HERC1: variants seen among roughly 807,000 people sequenced by gnomAD.
HERC1 encodes probable E3 ubiquitin-protein ligase HERC1.
Under a neutral mutation model 554.3 loss-of-function variants are expected in HERC1, and 160 were observed. The observed-to-expected ratio is 0.29, with a 90% CI of 0.25 to 0.33. HERC1 has a LOEUF of 0.33. Among genes scored for constraint, HERC1 ranks in the 10% least tolerant of loss-of-function variants. HERC1 has a pLI of 1.00. For synonymous variants in HERC1, 2,175 were observed against 2,131.7 expected (o/e 1.02, Z -0.56); for missense variants, 4,919 against 5,918.5 (o/e 0.83, Z 5.54).
At chr15:63,833,301 G>A (rs535832993) in intron 1 of HERC1, among the ~76,000 whole-genome samples, 1 of 152,240 alleles carries the variant, frequency 6.6e-6, no homozygotes, top group Non-Finnish European at 1.5e-5. Context: ...AAAGGCAGAG[G>A]AGAGGAGGAA....
chr15:63,793,943 A>C (rs2076732306), intron 1 of HERC1, among the ~76,000 whole-genome samples: 1 of 152,214 alleles, frequency 6.6e-6, no homozygotes, highest in South Asian at 2.1e-4. Context: ...CAGGTCATAA[A>C]GACCTTCTAA....
At chr15:63,743,507 C>A (rs1262166804) in intron 12 of HERC1, among the ~76,000 whole-genome samples, 1 of 152,070 alleles carries the variant, frequency 6.6e-6, no homozygotes, top group Non-Finnish European at 1.5e-5. Context: ...TTGTGATCCA[C>A]CCACCTTGGC....
At chr15:63,648,040 A>G (rs1180326816) in intron 55 of HERC1, 29 bp downstream of exon 55, 1 of 1,532,472 alleles carries the variant, frequency 6.5e-7, no homozygotes, top group East Asian at 2.5e-5. Flanking sequence ...TGTATCCCAT[A>G]AAATTACGTT....
intron 77 of HERC1, among the ~76,000 whole-genome samples, chr15:63,611,715 G>A (rs566496349): frequency 6.6e-6 from 1 of 152,356 alleles, no homozygotes; most frequent in African/African-American, 2.4e-5. Flanking sequence ...AAGGTTGTTG[G>A]TTGTAGTATG....
chr15:63,641,747 G>A, intron 59 of HERC1, 104 bp from the exon 60 acceptor site: 1 of 935,096 alleles, frequency 1.1e-6, no homozygotes, highest in South Asian at 2.3e-5. Flanking sequence ...GGACATCTTT[G>A]CTTTTTGGAT....
At chr15:63,645,142 T>C (rs1053219656) in intron 56 of HERC1, 45 bp from the exon 57 acceptor site, 4 of 1,340,580 alleles carry the variant, frequency 3.0e-6, no homozygotes, top group Admixed American at 3.4e-5. Flanking sequence ...TCAATATGCA[T>C]TAAGTAAAAA....
At chr15:63,739,195 C>CTTTTTT (rs1205943240) in intron 12 of HERC1, among the ~76,000 whole-genome samples, 6 of 102,242 alleles carry the variant, frequency 5.9e-5, no homozygotes, top group Non-Finnish European at 9.5e-5. Context: ...CACTAATATA[C>CTTTTTT]TTTTTTTTTT....
At chr15:63,711,758 C>G (rs2073307254) in intron 24 of HERC1, among the ~76,000 whole-genome samples, 1 of 152,192 alleles carries the variant, frequency 6.6e-6, no homozygotes. Context: ...GATCCCACCG[C>G]TCTTTAACAG....
intron 1 of HERC1, among the ~76,000 whole-genome samples, chr15:63,793,783 G>A (rs1238030522): frequency 6.6e-6 from 1 of 152,040 alleles, no homozygotes; most frequent in African/African-American, 2.4e-5. Flanking sequence ...TCAGCTATCT[G>A]GAAGTTCCCT....
chr15:63,723,166 A>G lies in HERC1; in HGVS notation c.3742+16T>C. On this transcript the variant is annotated intron_variant, in intron 19 of 77. Transcript: ENST00000443617. ...AGCTAACTACAAATTTACTCCCTTT[A>G]TCTTCTTTATCTTACCTTTACTAAC... The G allele has an allele frequency of 7.2e-7, 1 of 1,395,374 alleles. No individual in the cohort carries two copies. The highest frequency in any genetic ancestry group is 9.4e-7 in the Non-Finnish European group (1 of 1,061,206). 86.4% of individuals were successfully genotyped at this position (1,395,374 alleles called of 1,614,324 possible).
At chr15:63,665,575 T>C (rs952655886) in intron 42 of HERC1, among the ~76,000 whole-genome samples, 2 of 152,210 alleles carry the variant, frequency 1.3e-5, no homozygotes, top group African/African-American at 2.4e-5. Context: ...ATTAAATCAA[T>C]GTCCAATATT....
In HERC1 at chr15:63,645,040, G is replaced by C. The variant is rs921280801; in HGVS notation, c.11136C>G (p.Thr3712=). 4 of 1,613,502 alleles carry C rather than the reference G, an allele frequency of 2.5e-6. No homozygotes were observed. Among genetic ancestry groups the C allele is most frequent in the African/African-American group, 1.3e-5 (1 of 74,818 alleles). Residue 3712 remains threonine (T), a synonymous_variant, in exon 57 of 78, where the codon ACC becomes ACG. Transcript: ENST00000443617. ...VWRIPQDTTQ[T]NVTSAEGWWE... ...ACCATCCTTCTGCACTAGTCACATT[G>C]GTCTGTGTAGTATCTTGAGGAATGC...
intron 60 of HERC1, 89 bp downstream of exon 60, chr15:63,641,381 C>T (rs2069053410): frequency 1.8e-6 from 2 of 1,141,334 alleles, no homozygotes; most frequent in Non-Finnish European, 2.4e-6. Flanking sequence ...CCTCAGACCT[C>T]ATGCTTTTAA....
In HERC1 at chr15:63,641,386, T is replaced by C. The variant is rs548460311; in HGVS notation, c.11607+84A>G. 3 of 1,202,402 alleles carry C rather than the reference T, an allele frequency of 2.5e-6. No homozygotes were observed. The East Asian group carries it at 7.4e-5, about 30-fold the overall frequency. The allele number at this position is 1,202,402 out of a possible 1,614,324, so 74.5% of individuals were successfully genotyped here. A position where few individuals can be genotyped will look rare whatever the true frequency, so the allele number is the denominator to read the frequency against. ...CACTTATTATCCTCAGACCTCATGC[T>C]TTTAAGGGATAAGTTCAAGGCTATA... On this transcript the variant is annotated intron_variant, in intron 60 of 77. Transcript: ENST00000443617.
chr15:63,749,885 T>C lies in HERC1; in HGVS notation c.1903-94A>G. On this transcript the variant is annotated intron_variant, in intron 8 of 77. Coordinates refer to ENST00000443617, the MANE Select transcript of HERC1 (RefSeq NM_003922.4). This position sits in a 1 kb window ranked among gnomAD's most constrained non-coding sequence, Gnocchi z 4.1. ...TGAAATCTATGAAACTAAAGTGTGG[T>C]TTGATAGTAAATAACTTTCTGATGT... 3 of 1,032,658 alleles carry C rather than the reference T, an allele frequency of 2.9e-6. No individual in the cohort carries two copies. Among genetic ancestry groups the C allele is most frequent in the Non-Finnish European group, 4.1e-6 (3 of 740,348 alleles). 64.0% of individuals were successfully genotyped at this position (1,032,658 alleles called of 1,614,324 possible). A position where few individuals can be genotyped will look rare whatever the true frequency, so the allele number is the denominator to read the frequency against.
chr15:63,659,323 C>A (rs919016945), intron 47 of HERC1, among the ~76,000 whole-genome samples: 1 of 152,158 alleles, frequency 6.6e-6, no homozygotes, highest in Admixed American at 6.5e-5. Context: ...TCAATCATCA[C>A]TCACCATAAC....
chr15:63,673,784 G>T (rs948873183), intron 38 of HERC1, among the ~76,000 whole-genome samples: 11 of 152,214 alleles, frequency 7.2e-5, no homozygotes, highest in African/African-American at 2.4e-4. Context: ...GAGTGCAGTG[G>T]CACAATCTCG....
chr15:63,814,361 A>G (rs1416529651), intron 1 of HERC1, among the ~76,000 whole-genome samples: 1 of 151,986 alleles, frequency 6.6e-6, no homozygotes, highest in Non-Finnish European at 1.5e-5. Context: ...TCATCTCAAG[A>G]GCACACACTA....
intron 26 of HERC1, 70 bp downstream of exon 26, chr15:63,698,658 G>T: frequency 6.9e-7 from 1 of 1,453,660 alleles, no homozygotes; most frequent in Non-Finnish European, 9.3e-7. Flanking sequence ...GTTTTCCCTA[G>T]AACTATACAT....
Sources: gnomAD v4.1 joint callset for allele counts (sites outside exome capture counted in the v4.1 genomes callset) on GRCh38, gnomAD v4.1.1 for gene constraint, Gnocchi (gnomAD v3.1) non-coding constraint, MANE v1.5 for transcripts, NCBI Gene and HGNC (gene_info 2026-07-23, HGNC 2026-07-21) for gene names.